Variants in PRKCA observed in about 807,000 individuals in gnomAD.
PRKCA encodes the protein protein kinase C alpha, also known as protein kinase C alpha type.
A neutral mutation model predicts 87.0 loss-of-function variants in PRKCA; 27 were observed. The ratio of observed to expected loss-of-function variants is 0.31; its 90% CI spans 0.23 to 0.43. The LOEUF (loss-of-function observed/expected upper bound fraction) is 0.43. Ranked by LOEUF, PRKCA falls within the 20% of genes least tolerant of loss-of-function variation. PRKCA has a pLI of 1.00. For missense variants in PRKCA, 518 were observed against 852.3 expected (o/e 0.61, Z 4.88); for synonymous variants, 329 against 311.1 (o/e 1.06, Z -0.61).
At chr17:66,399,341 A>T (rs866468725) in intron 2 of PRKCA, among the ~76,000 whole-genome samples, 1 of 152,098 alleles carries the variant, frequency 6.6e-6, no homozygotes, top group Non-Finnish European at 1.5e-5. Context: ...TTGGCTTCTC[A>T]GAGTGCTGGG....
At position 66,604,388 on chromosome 17, in the gene PRKCA, G is replaced by A. The variant is rs576828717; in HGVS notation, c.289-36967G>A. 3.3e-5 allele frequency among the ~76,000 whole-genome samples: 5 copies of A among 152,316 alleles called. No individual in the cohort carries two copies. In the South Asian group the frequency reaches 1.0e-3, roughly 32 times the overall value. ...ACTTGATTTCCGAAGGCCATGCACA[G>A]TTATTCTGTTTCTCCATGTGTTTTG... On this transcript the variant is annotated intron_variant, in intron 3 of 16. Coordinates refer to ENST00000413366, the MANE Select transcript of PRKCA (RefSeq NM_002737.3).
intron 2 of PRKCA, among the ~76,000 whole-genome samples, chr17:66,426,176 GA>G (rs1912793766): frequency 6.6e-6 from 1 of 152,178 alleles, no homozygotes; most frequent in Non-Finnish European, 1.5e-5. Flanking sequence ...GGATAGAGGT[GA>G]ACATGAACCA....
At chr17:66,651,646 G>C (rs185337066) in intron 5 of PRKCA, among the ~76,000 whole-genome samples, 12 of 152,266 alleles carry the variant, frequency 7.9e-5, no homozygotes. Context: ...AATAAATCTT[G>C]GTTATGGGAT....
chr17:66,377,699 TTTTA>T (rs1170776026), intron 2 of PRKCA, among the ~76,000 whole-genome samples: 1,527 of 48,660 alleles, frequency 0.031, 70 homozygotes, highest in African/African-American at 0.078. Context: ...AAAGTCTATG[TTTTA>T]TATATATATA....
chr17:66,375,099 A>C (rs1489633985), intron 2 of PRKCA, among the ~76,000 whole-genome samples: 1 of 152,052 alleles, frequency 6.6e-6, no homozygotes, highest in Non-Finnish European at 1.5e-5. Context: ...TGAGGGGGGT[A>C]ATAGCTTAAT....
intron 2 of PRKCA, 21 bp from the exon 3 acceptor site, chr17:66,496,180 A>G: frequency 6.3e-7 from 1 of 1,581,694 alleles, no homozygotes; most frequent in Non-Finnish European, 8.7e-7. Context: ...TTCTAATTTT[A>G]GTTTCCTTTT....
chr17:66,504,541 A>G (rs571622116), intron 3 of PRKCA, among the ~76,000 whole-genome samples: 11 of 152,076 alleles, frequency 7.2e-5, no homozygotes, highest in Admixed American at 7.2e-4. Context: ...GCAGTGAGCC[A>G]AGATTGCACC....
chr17:66,362,065 C>T (rs577224381), intron 2 of PRKCA, among the ~76,000 whole-genome samples: 82 of 152,088 alleles, frequency 5.4e-4, no homozygotes, highest in Admixed American at 4.3e-3. Flanking sequence ...TACGGAGTTT[C>T]GCTCTTGTTG....
chr17:66,418,866 C>T (rs1158087141), intron 2 of PRKCA, among the ~76,000 whole-genome samples: 2 of 152,118 alleles, frequency 1.3e-5, no homozygotes, highest in African/African-American at 4.8e-5. Flanking sequence ...ATTCTCCTAC[C>T]TCAGCCTCCT....
chr17:66,594,395 G>A (rs1969908894), intron 3 of PRKCA, among the ~76,000 whole-genome samples: 1 of 152,140 alleles, frequency 6.6e-6, no homozygotes, highest in African/African-American at 2.4e-5. Context: ...TCAACAGAAC[G>A]AACAAAGCTG....
chr17:66,373,025 C>G (rs1056650134), intron 2 of PRKCA, among the ~76,000 whole-genome samples: 1 of 152,040 alleles, frequency 6.6e-6, no homozygotes, highest in African/African-American at 2.4e-5. Context: ...CGCCACTGCA[C>G]TCCAGCCTGG....
intron 2 of PRKCA, among the ~76,000 whole-genome samples, chr17:66,471,645 ATTTTT>A (rs554913573): frequency 1.5e-5 from 2 of 137,880 alleles, no homozygotes; most frequent in African/African-American, 5.4e-5. Context: ...CTGTTTTCTA[ATTTTT>A]TTTTTTTTTT....
In PRKCA at chr17:66,707,804, T is replaced by TA. The variant is rs1178596980; in HGVS notation, c.918+18760dup. Among the ~76,000 whole-genome samples the TA allele has an allele frequency of 2.0e-5, 3 of 152,286 alleles. No individual in the cohort carries two copies. The East Asian group carries it at 5.8e-4, about 29-fold the overall frequency. ...GGAGGGAAGCTTACACCCTGTCTCC[T>TA]AAACAGTAGCTAGCCTAGATCAGCG... On this transcript the variant is annotated intron_variant, in intron 8 of 16. Transcript: ENST00000413366.
rs180923274 is a variant in PRKCA, at chr17:66,305,981, T to G, written c.174-115T>G. 1,504 of 930,434 alleles carry G rather than the reference T, an allele frequency of 1.6e-3. 2 individuals carry two copies. Among genetic ancestry groups the G allele is most frequent in the Middle Eastern group, 2.7e-3 (10 of 3,746 alleles). The allele number at this position is 930,434 out of a possible 1,614,324, so 57.6% of individuals were successfully genotyped here. On this transcript the variant is annotated intron_variant, in intron 1 of 16. Transcript: ENST00000413366. ...AGGTATGTTTTTTTCTATTAAATCA[T>G]TGGGTTTCACATACAAACCTTTAGT...
intron 11 of PRKCA, among the ~76,000 whole-genome samples, chr17:66,741,121 T>G (rs1385266528): frequency 6.6e-6 from 1 of 152,240 alleles, no homozygotes; most frequent in Non-Finnish European, 1.5e-5. Context: ...TTAACAATTT[T>G]GAAGTGATGG....
intron 8 of PRKCA, among the ~76,000 whole-genome samples, chr17:66,723,785 A>G (rs924274226): frequency 6.6e-6 from 1 of 152,176 alleles, no homozygotes; most frequent in African/African-American, 2.4e-5. Flanking sequence ...TCTTCTTACT[A>G]CTATATTACA....
At chr17:66,321,500 T>C (rs1302165030) in intron 2 of PRKCA, among the ~76,000 whole-genome samples, 4 of 152,216 alleles carry the variant, frequency 2.6e-5, no homozygotes, top group Non-Finnish European at 5.9e-5. Flanking sequence ...ATGGATGTTA[T>C]TGTCTTTTTT....
Position 66,550,862 on chromosome 17 carries a change from G to GT in PRKCA, c.288+54580dup, listed in dbSNP as rs553383001. ...TGCAATGCTGTATTCTGTTGAGCAT[G>GT]TAAGAGTGGGGAGCTGTGTGTGTTT... On this transcript the variant is annotated intron_variant, in intron 3 of 16. Coordinates refer to ENST00000413366, the MANE Select transcript of PRKCA (RefSeq NM_002737.3). Among the ~76,000 whole-genome samples the GT allele has an allele frequency of 2.0e-5, 3 of 152,314 alleles. No homozygotes were observed. In the South Asian group the frequency reaches 6.2e-4, roughly 32 times the overall value.
chr17:66,766,676 T>A (rs1974818842), intron 13 of PRKCA, among the ~76,000 whole-genome samples: 1 of 151,900 alleles, frequency 6.6e-6, no homozygotes, highest in East Asian at 1.9e-4. Context: ...GGCATGGTGG[T>A]GGGAGTCTAT....
Sources: allele counts gnomAD v4.1 joint callset (sites outside exome capture counted in the v4.1 genomes callset), GRCh38; gene constraint gnomAD v4.1.1; transcripts MANE v1.5; gene names NCBI Gene and HGNC (gene_info 2026-07-23, HGNC 2026-07-21).